The following TENM4 variants were observed in gnomAD, a reference collection of about 807,000 sequenced individuals.
TENM4 encodes teneurin-4.
TENM4 carries 82 observed loss-of-function variants against 243.3 expected under a neutral mutation model. The observed-to-expected ratio is 0.34, with a 90% CI of 0.28 to 0.40. The LOEUF (loss-of-function observed/expected upper bound fraction) is 0.40. TENM4 is among the 10% of genes least tolerant of loss of function. TENM4 has a pLI of 1.00. For synonymous variants in TENM4, 1,412 were observed against 1,456.3 expected (o/e 0.97, Z 0.69); for missense variants, 3,138 against 3,673.3 (o/e 0.85, Z 3.77).
chr11:79,398,737 TA>T (rs5792854), intron 1 of TENM4, among the ~76,000 whole-genome samples: 4,766 of 102,732 alleles, frequency 0.046, 285 homozygotes, highest in African/African-American at 0.15. Context: ...TCAGATGCTT[TA>T]AAAAAAAAAA....
At chr11:78,806,014 G>A (rs11237628) in intron 14 of TENM4, among the ~76,000 whole-genome samples, 1 of 152,072 alleles carries the variant, frequency 6.6e-6, no homozygotes, top group Non-Finnish European at 1.5e-5. Context: ...TCCTGGCCAG[G>A]TGTGGTGACT....
intron 3 of TENM4, among the ~76,000 whole-genome samples, chr11:79,155,212 C>T (rs1255139681): frequency 6.6e-6 from 1 of 152,130 alleles, no homozygotes; most frequent in Non-Finnish European, 1.5e-5. Flanking sequence ...AGTATCTGGG[C>T]CAATGGAGGT....
chr11:79,306,857 C>A (rs1051135899), intron 1 of TENM4, among the ~76,000 whole-genome samples: 8 of 152,028 alleles, frequency 5.3e-5, no homozygotes, highest in African/African-American at 1.9e-4. Flanking sequence ...ATACCAACTC[C>A]CTAAATGGTG....
At chr11:79,350,181 C>T (rs926171890) in intron 1 of TENM4, among the ~76,000 whole-genome samples, 7 of 152,156 alleles carry the variant, frequency 4.6e-5, no homozygotes, top group South Asian at 2.1e-4. Context: ...GGCTTCAGAA[C>T]GGGGCTGCTT....
At chr11:78,970,615 C>T (rs1424362914) in intron 6 of TENM4, among the ~76,000 whole-genome samples, 1 of 152,150 alleles carries the variant, frequency 6.6e-6, no homozygotes, top group Non-Finnish European at 1.5e-5. Flanking sequence ...CAAAGCAGTC[C>T]AAGATCGTGG....
intron 6 of TENM4, among the ~76,000 whole-genome samples, chr11:79,049,827 G>A (rs1859752071): frequency 6.6e-6 from 1 of 152,218 alleles, no homozygotes; most frequent in Non-Finnish European, 1.5e-5. Flanking sequence ...TGTCATCACA[G>A]CTCCTGGCTG....
At chr11:79,357,487 A>G (rs1284343612) in intron 1 of TENM4, among the ~76,000 whole-genome samples, 1 of 152,128 alleles carries the variant, frequency 6.6e-6, no homozygotes, top group Non-Finnish European at 1.5e-5. Context: ...GTCCACTCCC[A>G]CCTAGCATTC....
chr11:78,676,312 G>A lies in TENM4; in HGVS notation c.5336C>T (p.Ala1779Val), dbSNP rs112224496. 8 of 1,612,194 alleles carry A rather than the reference G, an allele frequency of 5.0e-6. No individual in the cohort carries two copies. Among genetic ancestry groups the A allele is most frequent in the African/African-American group, 4.0e-5 (3 of 74,878 alleles). ...CAGCAAGTGGGGCTCAGTCTGCAGC[G>A]CCACCTCCATGCCGTTGGCCAGCAG... ...RLLLANGMEV[A>V]LQTEPHLLAG... The change falls in exon 30 of 34, where the codon GCG becomes GTG. Residue 1779 changes from alanine (A) to valine (V), a missense_variant. Ala to Val is a moderately conservative substitution (Grantham distance 64). Coordinates refer to ENST00000278550, the MANE Select transcript of TENM4 (RefSeq NM_001098816.3).
At chr11:79,014,974 G>C (rs554964874) in intron 6 of TENM4, among the ~76,000 whole-genome samples, 1 of 152,300 alleles carries the variant, frequency 6.6e-6, no homozygotes, top group East Asian at 1.9e-4. Flanking sequence ...TAAGAATTTG[G>C]GAGCCCCTTT....
intron 6 of TENM4, among the ~76,000 whole-genome samples, chr11:78,969,434 CAAG>C (rs1415201220): frequency 6.6e-6 from 1 of 152,094 alleles, no homozygotes; most frequent in East Asian, 1.9e-4. Context: ...GCTAGTTGTC[CAAG>C]AAGAACATTC....
intron 4 of TENM4, among the ~76,000 whole-genome samples, chr11:79,081,352 T>C (rs115739154): frequency 6.8e-4 from 103 of 152,340 alleles, no homozygotes; most frequent in African/African-American, 2.4e-3. Context: ...TCAAGATACC[T>C]TGTGTGCACA....
chr11:79,361,200 G>A (rs570060066), intron 1 of TENM4, among the ~76,000 whole-genome samples: 1 of 152,290 alleles, frequency 6.6e-6, no homozygotes, highest in Admixed American at 6.5e-5. Flanking sequence ...AAGTTTGAGA[G>A]GCTGAACTCA....
chr11:78,925,040 C>T (rs143882744), intron 6 of TENM4, among the ~76,000 whole-genome samples: 15 of 152,252 alleles, frequency 9.9e-5, no homozygotes, highest in Middle Eastern at 3.4e-3. Flanking sequence ...TACACGTCAC[C>T]GCTGATACAA....
At position 79,389,732 on chromosome 11, in the gene TENM4, C is replaced by A. The variant is rs138033693; in HGVS notation, c.-321+50777G>T. ...AACTCCAATTAGGCAAAATGTTATC[C>A]CCCACAAAAAGAAGTTCCATTTCTC... On this transcript the variant is annotated intron_variant, in intron 1 of 33. Coordinates refer to ENST00000278550, the MANE Select transcript of TENM4 (RefSeq NM_001098816.3). Among the ~76,000 whole-genome samples, 191 of 152,238 alleles carry A rather than the reference C, an allele frequency of 1.3e-3. 1 individual carries two copies. Among genetic ancestry groups the A allele is most frequent in the African/African-American group, 4.3e-3 (177 of 41,536 alleles).
Position 79,101,985 on chromosome 11 carries a change from T to C in TENM4, c.-65-31976A>G, listed in dbSNP as rs777465833. On this transcript the variant is annotated intron_variant, in intron 4 of 33. Coordinates refer to ENST00000278550, the MANE Select transcript of TENM4 (RefSeq NM_001098816.3). ...GGCTCCAGGGCCAGATCGTGTGAGT[T>C]TGAGTCCTAGCAACACTTTCTACTG... 3.9e-5 allele frequency among the ~76,000 whole-genome samples: 6 copies of C among 152,276 alleles called. No homozygotes were observed. In the South Asian group the frequency reaches 6.2e-4, roughly 16 times the overall value.
chr11:78,969,395 A>G (rs1424832109), intron 6 of TENM4, among the ~76,000 whole-genome samples: 1 of 152,204 alleles, frequency 6.6e-6, no homozygotes, highest in Non-Finnish European at 1.5e-5. Flanking sequence ...TTTCTCTTGC[A>G]TTTGAAATCT....
intron 28 of TENM4, among the ~76,000 whole-genome samples, chr11:78,691,461 C>T (rs987746413): frequency 6.6e-6 from 1 of 152,232 alleles, no homozygotes; most frequent in Non-Finnish European, 1.5e-5. Context: ...GGACTTGGCA[C>T]AAGCTGGACA....
chr11:78,899,611 A>T (rs1239958885), intron 7 of TENM4, among the ~76,000 whole-genome samples: 2 of 143,254 alleles, frequency 1.4e-5, no homozygotes, highest in East Asian at 4.3e-4. Context: ...CCAATGTTAG[A>T]GGTGGGGCCT....
chr11:79,144,625 G>T (rs565820134), intron 4 of TENM4, among the ~76,000 whole-genome samples: 1 of 152,204 alleles, frequency 6.6e-6, no homozygotes, highest in Admixed American at 6.6e-5. Context: ...CCTGTCATTT[G>T]CAACAACATG....
Sources: allele counts gnomAD v4.1 joint callset (sites outside exome capture counted in the v4.1 genomes callset), GRCh38; gene constraint gnomAD v4.1.1; transcripts MANE v1.5; gene names NCBI Gene and HGNC (gene_info 2026-07-23, HGNC 2026-07-21).